The following CRACR2A variants were observed in gnomAD, a reference collection of about 807,000 sequenced individuals.
The protein encoded by CRACR2A is calcium release activated channel regulator 2A, also known as EF-hand calcium-binding domain-containing protein 4B.
A neutral mutation model predicts 90.5 loss-of-function variants in CRACR2A; 79 were observed. That is an observed-to-expected ratio of 0.87 (90% CI 0.73 to 1.05). CRACR2A has a LOEUF of 1.05. Ranked by LOEUF, CRACR2A falls within the 50% of genes least tolerant of loss-of-function variation. CRACR2A has a pLI of 0.00. For missense variants in CRACR2A, 823 were observed against 897.2 expected (o/e 0.92, Z 1.06); for synonymous variants, 338 against 356.7 (o/e 0.95, Z 0.59).
intron 10 of CRACR2A, 129 bp from the exon 11 acceptor site, chr12:3,648,742 C>T (rs1944739899): frequency 1.5e-6 from 2 of 1,321,464 alleles, no homozygotes. Context: ...TGGCCTCCTC[C>T]TGGAGAGCTC....
At chr12:3,752,127 TC>T (rs1281280070) in intron 1 of CRACR2A, among the ~76,000 whole-genome samples, 1 of 152,186 alleles carries the variant, frequency 6.6e-6, no homozygotes, top group Non-Finnish European at 1.5e-5. Context: ...CCCTGGGGAC[TC>T]CCACGGATTG....
intron 7 of CRACR2A, chr12:3,672,825 T>C: frequency 1.0e-6 from 1 of 985,312 alleles, no homozygotes; most frequent in Non-Finnish European, 1.2e-6. Flanking sequence ...TGGTCCTGTC[T>C]CCTGGAGAGG....
intron 17 of CRACR2A, among the ~76,000 whole-genome samples, chr12:3,622,571 G>T (rs556563287): frequency 6.6e-6 from 1 of 152,292 alleles, no homozygotes; most frequent in African/African-American, 2.4e-5. Flanking sequence ...TGGAGCAGTG[G>T]ATTGGCATTC....
At chr12:3,683,214 T>C (rs1219796429) in intron 4 of CRACR2A, among the ~76,000 whole-genome samples, 1 of 152,208 alleles carries the variant, frequency 6.6e-6, no homozygotes, top group African/African-American at 2.4e-5. Flanking sequence ...GGAAAAGAAC[T>C]GATTTTCCAT....
Position 3,696,832 on chromosome 12 carries a change from C to A in CRACR2A, c.168G>T (p.Gln56His). The change falls in exon 4 of 20, where the codon CAG becomes CAT. Residue 56 changes from glutamine (Q) to histidine (H), a missense_variant. By Grantham distance (24) the Gln-to-His change is conservative. Coordinates refer to ENST00000440314, the MANE Select transcript of CRACR2A (RefSeq NM_001144958.2). Reference protein sequence around the residue: ...SGQLVMLRKAQEFFQTCDAEG... With the variant: ...SGQLVMLRKAHEFFQTCDAEG... ...CAGCATCACAGGTCTGAAAGAACTCCTGTGCCTTCCTCAGCATGACTAGCT... is the reference window on the plus strand; with the variant it reads ...CAGCATCACAGGTCTGAAAGAACTCATGTGCCTTCCTCAGCATGACTAGCT... The A allele has an allele frequency of 6.2e-7, 1 of 1,614,230 alleles. No individual in the cohort carries two copies.
At chr12:3,690,971 C>G (rs1051317150) in intron 4 of CRACR2A, among the ~76,000 whole-genome samples, 2 of 152,148 alleles carry the variant, frequency 1.3e-5, no homozygotes, top group Admixed American at 1.3e-4. Flanking sequence ...AGGATTGCAA[C>G]CCCTGCTTTT....
chr12:3,627,733 G>A, intron 15 of CRACR2A, 27 bp from the exon 16 acceptor site: 2 of 1,548,640 alleles, frequency 1.3e-6, no homozygotes, highest in Non-Finnish European at 1.7e-6. Flanking sequence ...GCCTGTCAGG[G>A]CTGCCCTGGG....
intron 8 of CRACR2A, 29 bp downstream of exon 8, chr12:3,659,535 A>G: frequency 6.2e-7 from 1 of 1,608,224 alleles, no homozygotes; most frequent in Non-Finnish European, 8.5e-7. Flanking sequence ...AGCTGGCCTC[A>G]GAGCCAAGCC....
chr12:3,621,648 C>CAAAAAAAAAA lies in CRACR2A; in HGVS notation c.1933-2286_1933-2277dup, dbSNP rs557648607. Among the ~76,000 whole-genome samples, 42 of 14,582 alleles carry CAAAAAAAAAA rather than the reference C, an allele frequency of 2.9e-3. 8 individuals are homozygous for CAAAAAAAAAA. Among genetic ancestry groups the CAAAAAAAAAA allele is most frequent in the African/African-American group, 9.5e-3 (36 of 3,772 alleles). The allele number at this position is 14,582 out of a possible 152,430, so 9.6% of individuals were successfully genotyped here. On this transcript the variant is annotated intron_variant, in intron 17 of 19. Coordinates refer to ENST00000440314, the MANE Select transcript of CRACR2A (RefSeq NM_001144958.2). ...CCTCAGTGACAGAGAGAGACTCTGT[C>CAAAAAAAAAA]AAAAAAAAAAAAAAAAAAAAAAAAA...
In CRACR2A at chr12:3,696,984, C is replaced by T. The variant is rs768277859; in HGVS notation, c.16G>A (p.Gly6Arg). ...CTCTGGGGTCTGGAGACTACCCTCC[C>T]GTCAGGGGCAGCCATCGCGATTAGT... MAAPD[G>R]RVVSRPQRLG... is the part of the protein sequence containing the mutation. Residue 6 changes from glycine to arginine, a missense_variant, in exon 4 of 20, where the codon GGG becomes AGG. Transcript: ENST00000440314. 1.4e-5 allele frequency: 23 copies of T among 1,612,382 alleles called. No homozygotes were observed. The highest frequency in any genetic ancestry group is 6.7e-5 in the African/African-American group (5 of 74,852).
At chr12:3,743,362 C>A (rs1946559144) in intron 1 of CRACR2A, among the ~76,000 whole-genome samples, 1 of 152,226 alleles carries the variant, frequency 6.6e-6, no homozygotes, top group South Asian at 2.1e-4. Context: ...TGGCCTTTTC[C>A]ATCCCTATAT....
intron 1 of CRACR2A, among the ~76,000 whole-genome samples, chr12:3,738,540 G>GA (rs1946480804): frequency 6.6e-6 from 1 of 152,090 alleles, no homozygotes; most frequent in Non-Finnish European, 1.5e-5. Context: ...TACAGTTTGA[G>GA]AAACAGACAG....
intron 15 of CRACR2A, among the ~76,000 whole-genome samples, chr12:3,632,701 G>A (rs1339045318): frequency 6.6e-6 from 1 of 152,194 alleles, no homozygotes; most frequent in African/African-American, 2.4e-5. Context: ...TCAGTTTCCT[G>A]ATCTGTCGAC....
intron 4 of CRACR2A, among the ~76,000 whole-genome samples, chr12:3,686,447 G>A (rs1297090481): frequency 6.6e-6 from 1 of 152,208 alleles, no homozygotes; most frequent in Non-Finnish European, 1.5e-5. Context: ...GCATAGCCAA[G>A]AATTCTGGGC....
At chr12:3,638,658 G>A (rs1231837832) in intron 13 of CRACR2A, among the ~76,000 whole-genome samples, 1 of 152,210 alleles carries the variant, frequency 6.6e-6, no homozygotes, top group Admixed American at 6.5e-5. Flanking sequence ...TGCTGCCACT[G>A]CTGTGGCAGA....
chr12:3,720,615 T>C (rs926133958), intron 2 of CRACR2A, among the ~76,000 whole-genome samples: 2 of 152,230 alleles, frequency 1.3e-5, no homozygotes, highest in Non-Finnish European at 2.9e-5. Flanking sequence ...TGTGCTCTGC[T>C]TTGCATTGAC....
chr12:3,626,470 T>C (rs954587476), intron 17 of CRACR2A, among the ~76,000 whole-genome samples: 3 of 152,198 alleles, frequency 2.0e-5, no homozygotes, highest in Non-Finnish European at 4.4e-5. Context: ...ATGATAAATA[T>C]GTGATGGGAT....
chr12:3,648,441 C>G, intron 11 of CRACR2A, 101 bp downstream of exon 11: 19 of 1,599,658 alleles, frequency 1.2e-5, no homozygotes, highest in Non-Finnish European at 1.6e-5. Context: ...TCAGCAGGCA[C>G]GTTTTTCCAG....
intron 3 of CRACR2A, among the ~76,000 whole-genome samples, chr12:3,698,883 A>G (rs1195996260): frequency 6.6e-6 from 1 of 152,184 alleles, no homozygotes; most frequent in Non-Finnish European, 1.5e-5. Flanking sequence ...TGAGCAGAAC[A>G]GGCTGTTGTC....
Sources: gnomAD v4.1 joint callset for allele counts (sites outside exome capture counted in the v4.1 genomes callset) on GRCh38, gnomAD v4.1.1 for gene constraint, MANE v1.5 for transcripts, NCBI Gene and HGNC (gene_info 2026-07-23, HGNC 2026-07-21) for gene names.